Variants in PLOD2 observed in about 807,000 individuals in gnomAD.
PLOD2 encodes procollagen-lysine,2-oxoglutarate 5-dioxygenase 2.
A neutral mutation model predicts 101.0 loss-of-function variants in PLOD2; 65 were observed. That is an observed-to-expected ratio of 0.64 (90% CI 0.53 to 0.79). The LOEUF is 0.79. Among genes scored for constraint, PLOD2 ranks in the 30% least tolerant of loss-of-function variants. PLOD2 has a pLI of 0.00. For synonymous variants in PLOD2, 314 were observed against 302.9 expected (o/e 1.04, Z -0.38); for missense variants, 909 against 914.6 (o/e 0.99, Z 0.08).
chr3:146,077,710 C>A (rs1160841636), intron 14 of PLOD2, 152 bp downstream of exon 14: 7 of 561,558 alleles, frequency 1.2e-5, no homozygotes, highest in Non-Finnish European at 1.9e-5. Flanking sequence ...GCCCAAGTCA[C>A]ACAAAACACG....
intron 13 of PLOD2, 151 bp from the exon 14 acceptor site, chr3:146,078,075 G>C (rs1464874839): frequency 1.5e-6 from 1 of 677,182 alleles, no homozygotes; most frequent in East Asian, 2.5e-5. Flanking sequence ...AAAGCTTATA[G>C]CACACACAAA....
intron 1 of PLOD2, among the ~76,000 whole-genome samples, chr3:146,156,011 C>A (rs552160578): frequency 6.2e-4 from 94 of 152,130 alleles, no homozygotes; most frequent in Non-Finnish European, 1.1e-3. Context: ...AAGAAATATG[C>A]ATCTCCTTTC....
intron 7 of PLOD2, among the ~76,000 whole-genome samples, chr3:146,098,002 G>A (rs1453372033): frequency 6.6e-6 from 1 of 152,022 alleles, no homozygotes; most frequent in East Asian, 1.9e-4. Context: ...GCTGAACAAT[G>A]AGAACTCGTG....
chr3:146,102,987 A>G lies in PLOD2; in HGVS notation c.680-135T>C, dbSNP rs1937444765. On this transcript the variant is annotated intron_variant, in intron 6 of 19. Transcript: ENST00000282903. ...ATGGATGTAATATTCCAAGTGCTACAACACTTCTAGTAACTTCATCTACTC... is the reference window on the plus strand; with the variant it reads ...ATGGATGTAATATTCCAAGTGCTACGACACTTCTAGTAACTTCATCTACTC... 6 of 613,814 alleles carry G rather than the reference A, an allele frequency of 9.8e-6. No individual in the cohort carries two copies. In the East Asian group the frequency reaches 1.8e-4, roughly 18 times the overall value. 38.0% of individuals were successfully genotyped at this position (613,814 alleles called of 1,614,324 possible).
At chr3:146,103,172 T>C (rs896260699) in intron 6 of PLOD2, among the ~76,000 whole-genome samples, 1 of 152,198 alleles carries the variant, frequency 6.6e-6, no homozygotes, top group Admixed American at 6.5e-5. Context: ...CTTCATAGTA[T>C]TGTTATTCTT....
intron 3 of PLOD2, among the ~76,000 whole-genome samples, chr3:146,118,379 T>G (rs1312894305): frequency 1.3e-5 from 2 of 151,970 alleles, no homozygotes; most frequent in Non-Finnish European, 2.9e-5. Flanking sequence ...TTTTGAAAAT[T>G]TTTAAGTGTG....
In PLOD2 at chr3:146,088,657, G is replaced by T. The variant is rs886044629; in HGVS notation, c.934C>A (p.Pro312Thr). ...VFIEQPTPFLPRFLDILLTLD... is the reference protein window; with the variant it reads ...VFIEQPTPFLTRFLDILLTLD... Reference sequence around the variant, plus strand: ...GTCAACAATATGTCCAGAAACCGAGGTAGAAAAGGGGTTGGTTGCTCAATA... The same window carrying T: ...GTCAACAATATGTCCAGAAACCGAGTTAGAAAAGGGGTTGGTTGCTCAATA... Residue 312 changes from proline to threonine, a missense_variant, in exon 9 of 20, where the codon CCT (proline) becomes ACT (threonine). Pro to Thr is a conservative substitution (Grantham distance 38, BLOSUM62 -1). Coordinates refer to ENST00000282903, the MANE Select transcript of PLOD2 (RefSeq NM_182943.3). The T allele has an allele frequency of 6.2e-7, 1 of 1,605,830 alleles. No individual in the cohort carries two copies. The highest frequency in any genetic ancestry group is 8.5e-7 in the Non-Finnish European group (1 of 1,173,010).
Position 146,079,147 on chromosome 3 carries a change from T to C in PLOD2, c.1469A>G (p.Asp490Gly). The change falls in exon 13 of 20, where the codon GAT (aspartate) becomes GGT (glycine). Residue 490 changes from aspartate (D) to glycine (G), a missense_variant. Coordinates refer to ENST00000282903, the MANE Select transcript of PLOD2 (RefSeq NM_182943.3). ...NYFVRDKLDP[D>G]MALCRNAREM... ...TCTAGCATTTCGGCAAAGAGCCATATCAGGATCCAGTTTATCACGAACAAA... is the reference window on the plus strand; with the variant it reads ...TCTAGCATTTCGGCAAAGAGCCATACCAGGATCCAGTTTATCACGAACAAA... The C allele has an allele frequency of 6.2e-7, 1 of 1,612,928 alleles. No homozygotes were observed. Among genetic ancestry groups the C allele is most frequent in the Non-Finnish European group, 8.5e-7 (1 of 1,179,080 alleles).
At chr3:146,104,602 A>G (rs544658318) in intron 5 of PLOD2, among the ~76,000 whole-genome samples, 2 of 152,322 alleles carry the variant, frequency 1.3e-5, no homozygotes, top group South Asian at 2.1e-4. Context: ...TAACTTTTAT[A>G]TCTGTATCCA....
chr3:146,161,136 C>T lies in PLOD2; in HGVS notation c.-147G>A. ...CAAGGCGCGCGGCCGGCAGCCGGAG[C>T]GGCGCGTAACGCAGCTGAGTGAGGT... is the stretch of plus-strand genomic sequence containing the variant. On this transcript the variant is annotated 5_prime_UTR_variant, in exon 1 of 20. Transcript: ENST00000282903. The T allele has an allele frequency of 2.3e-6, 1 of 435,706 alleles. No homozygotes were observed. Among genetic ancestry groups the T allele is most frequent in the South Asian group, 5.7e-5 (1 of 17,594 alleles). The allele number at this position is 435,706 out of a possible 1,614,324, so 27.0% of individuals were successfully genotyped here. A position where few individuals can be genotyped will look rare whatever the true frequency, so the allele number is the denominator to read the frequency against.
At chr3:146,085,669 G>T in intron 10 of PLOD2, 1 of 205,972 alleles carries the variant, frequency 4.9e-6, no homozygotes, top group Non-Finnish European at 9.6e-6. Flanking sequence ...GACTTTTCAG[G>T]TATTAATATT....
At chr3:146,075,487 TAAA>T (rs35706246) in intron 15 of PLOD2, among the ~76,000 whole-genome samples, 9 of 93,656 alleles carry the variant, frequency 9.6e-5, no homozygotes, top group Admixed American at 8.3e-4. Flanking sequence ...CTCAAATCTG[TAAA>T]AAAAAAAAAA....
intron 3 of PLOD2, among the ~76,000 whole-genome samples, chr3:146,114,246 TCTGTGTGCCTC>T (rs1937790368): frequency 6.6e-6 from 1 of 151,314 alleles, no homozygotes; most frequent in Non-Finnish European, 1.5e-5. Flanking sequence ...TTTTATTGCC[TCTGTGTGCCTC>T]TGTGACCCAC....
At chr3:146,091,718 T>C in intron 8 of PLOD2, 82 bp downstream of exon 8, 1 of 780,308 alleles carries the variant, frequency 1.3e-6, no homozygotes, top group Non-Finnish European at 2.3e-6. Context: ...TAAAATAATT[T>C]GCCTTTTTTC....
At chr3:146,132,785 A>AT (rs2030992051) in intron 1 of PLOD2, among the ~76,000 whole-genome samples, 1 of 152,214 alleles carries the variant, frequency 6.6e-6, no homozygotes, top group Non-Finnish European at 1.5e-5. Context: ...GCTTCAAGAC[A>AT]TTTTTTAAAA....
intron 4 of PLOD2, among the ~76,000 whole-genome samples, chr3:146,109,023 C>T (rs1576600826): frequency 1.3e-5 from 2 of 152,246 alleles, no homozygotes; most frequent in East Asian, 3.9e-4. Context: ...GAGCCGCATG[C>T]TCAAGCAGAG....
Position 146,071,367 on chromosome 3 carries a change from C to T in PLOD2, c.1905G>A (p.Lys635=). The change falls in exon 18 of 20, where the codon AAG becomes AAA. Residue 635 remains lysine (K), a synonymous_variant. Coordinates refer to ENST00000282903, the MANE Select transcript of PLOD2 (RefSeq NM_182943.3). ...ENVPTDDIHM[K]QVDLENVWLH... The stretch of plus-strand genomic sequence containing the variant: ...GCCATACATTCTCCAGATCAACTTG[C>T]TTCATGTGGATATCATCAGTTGGGA... The T allele has an allele frequency of 6.2e-7, 1 of 1,611,836 alleles. No homozygotes were observed. Among genetic ancestry groups the T allele is most frequent in the African/African-American group, 1.3e-5 (1 of 74,884 alleles).
In PLOD2 at chr3:146,121,249, C is replaced by A. The variant is rs1176256863; in HGVS notation, c.202-1G>T. On this transcript the variant is annotated splice_acceptor_variant, in intron 2 of 19. Coordinates refer to ENST00000282903, the MANE Select transcript of PLOD2 (RefSeq NM_182943.3). LOFTEE classifies it high-confidence loss of function. ...TCCATTCTTCTCCTTGACCAAGGACCTATAAACAAAATCAACATTTCATTC... is the reference window on the plus strand; with the variant it reads ...TCCATTCTTCTCCTTGACCAAGGACATATAAACAAAATCAACATTTCATTC... The A allele has an allele frequency of 1.2e-6, 2 of 1,611,810 alleles. No individual in the cohort carries two copies. Among genetic ancestry groups the A allele is most frequent in the Middle Eastern group, 1.7e-4 (1 of 6,052 alleles).
rs2030861488 is a variant in PLOD2 at position 146,130,765 on chromosome 3, C to T, written c.110-6536G>A. On this transcript the variant is annotated intron_variant, in intron 1 of 19. Coordinates refer to ENST00000282903, the MANE Select transcript of PLOD2 (RefSeq NM_182943.3). ...AGAGTTATTCCTCAATGTCATGTGG[C>T]CTCCCCTGGTGACAACAGGTTAAGG... 2.6e-5 allele frequency among the ~76,000 whole-genome samples: 4 copies of T among 152,224 alleles called. No homozygotes were observed. The South Asian group carries it at 8.3e-4, about 32-fold the overall frequency.
Sources: allele counts gnomAD v4.1 joint callset (sites outside exome capture counted in the v4.1 genomes callset), GRCh38; gene constraint gnomAD v4.1.1; transcripts MANE v1.5; gene names NCBI Gene and HGNC (gene_info 2026-07-23, HGNC 2026-07-21).